PRKN: variants seen among roughly 807,000 people sequenced by gnomAD.
The protein encoded by PRKN is E3 ubiquitin-protein ligase parkin.
A neutral mutation model predicts 59.5 loss-of-function variants in PRKN; 56 were observed. The ratio of observed to expected loss-of-function variants is 0.94; its 90% confidence interval spans 0.76 to 1.18. PRKN has a LOEUF of 1.18. PRKN is among the 50% of genes most tolerant of loss of function. PRKN has a pLI of 0.00. For missense variants in PRKN, 657 were observed against 596.4 expected (o/e 1.10, Z -1.06); for synonymous variants, 250 against 222.1 (o/e 1.13, Z -1.12).
intron 4 of PRKN, among the ~76,000 whole-genome samples, chr6:162,117,425 G>C (rs1780720975): frequency 6.6e-6 from 1 of 152,194 alleles, no homozygotes; most frequent in Admixed American, 6.5e-5. Context: ...CTGCATCCTG[G>C]CCATGTGAAC....
chr6:162,188,765 T>C (rs900486541), intron 4 of PRKN, among the ~76,000 whole-genome samples: 2 of 145,944 alleles, frequency 1.4e-5, no homozygotes, highest in Non-Finnish European at 3.0e-5. Flanking sequence ...AGGTGGAACA[T>C]TCCTTAGATT....
chr6:162,435,007 T>C (rs775243517), intron 2 of PRKN, among the ~76,000 whole-genome samples: 4 of 152,228 alleles, frequency 2.6e-5, no homozygotes, highest in Non-Finnish European at 5.9e-5. Flanking sequence ...ATGATGACTG[T>C]ATTAAGCAAA....
intron 7 of PRKN, among the ~76,000 whole-genome samples, chr6:161,668,203 G>A (rs1379135463): frequency 6.8e-6 from 1 of 146,972 alleles, no homozygotes; most frequent in Non-Finnish European, 1.5e-5. Flanking sequence ...TTCTGTTAGA[G>A]ACCTTTAGCC....
intron 4 of PRKN, among the ~76,000 whole-genome samples, chr6:162,123,582 A>G (rs892609143): frequency 1.3e-5 from 2 of 152,208 alleles, no homozygotes; most frequent in Non-Finnish European, 2.9e-5. Context: ...AGAAACTACA[A>G]GAGAAATTAA....
intron 6 of PRKN, among the ~76,000 whole-genome samples, chr6:161,810,189 A>G (rs1182363640): frequency 6.6e-6 from 1 of 152,210 alleles, no homozygotes; most frequent in African/African-American, 2.4e-5. Flanking sequence ...AGCAGAGACT[A>G]TGACACAGAT....
chr6:162,414,853 T>C (rs546339899), intron 2 of PRKN, among the ~76,000 whole-genome samples: 9 of 152,112 alleles, frequency 5.9e-5, no homozygotes, highest in Non-Finnish European at 1.2e-4. Flanking sequence ...TGTCCATCTA[T>C]TAATTAGGCT....
At chr6:161,885,421 T>A (rs1199378083) in intron 6 of PRKN, among the ~76,000 whole-genome samples, 1 of 152,026 alleles carries the variant, frequency 6.6e-6, no homozygotes, top group Non-Finnish European at 1.5e-5. Context: ...TCCCAGCACT[T>A]TGGGAGGCCG....
chr6:162,445,067 C>G (rs1170387845), intron 1 of PRKN, among the ~76,000 whole-genome samples: 1 of 152,070 alleles, frequency 6.6e-6, no homozygotes, highest in African/African-American at 2.4e-5. Flanking sequence ...AAATGTAGTA[C>G]TATAGCTAAT....
intron 7 of PRKN, among the ~76,000 whole-genome samples, chr6:161,685,060 A>T (rs1352297837): frequency 6.6e-6 from 1 of 152,244 alleles, no homozygotes; most frequent in Non-Finnish European, 1.5e-5. Context: ...TCCTATTAGA[A>T]CATCGAATAC....
At chr6:162,584,787 TCTCCCCTCCCCTCCCCTCCC>T (rs1296409452) in intron 1 of PRKN, among the ~76,000 whole-genome samples, 2 of 34,368 alleles carry the variant, frequency 5.8e-5, no homozygotes, top group South Asian at 2.0e-3. Context: ...TCTCCTCTCC[TCTCCCCTCCCCTCCCCTCCC>T]CTCCCCTCCC....
intron 7 of PRKN, among the ~76,000 whole-genome samples, chr6:161,623,133 CCATAGTTAA>C (rs1467628978): frequency 6.6e-6 from 1 of 152,140 alleles, no homozygotes; most frequent in African/African-American, 2.4e-5. Flanking sequence ...ATGTACAAAG[CCATAGTTAA>C]CACTCGAGAG....
At chr6:162,543,721 G>A (rs1409655899) in intron 1 of PRKN, among the ~76,000 whole-genome samples, 1 of 152,126 alleles carries the variant, frequency 6.6e-6, no homozygotes, top group East Asian at 1.9e-4. Flanking sequence ...ACCGCTGGCT[G>A]ACCCTGAGCT....
intron 1 of PRKN, among the ~76,000 whole-genome samples, chr6:162,503,382 ATCAACCCCCGACC>A (rs908693467): frequency 2.6e-5 from 4 of 151,878 alleles, no homozygotes; most frequent in Non-Finnish European, 5.9e-5. Context: ...CAGGCTGGTC[ATCAACCCCCGACC>A]TCAGGAGATC....
chr6:162,014,810 T>A (rs1782872561), intron 5 of PRKN, among the ~76,000 whole-genome samples: 1 of 150,928 alleles, frequency 6.6e-6, no homozygotes, highest in Non-Finnish European at 1.5e-5. Context: ...CCTTTCGTAT[T>A]TTTTTTTTCA....
At chr6:161,810,118 T>C (rs113665956) in intron 6 of PRKN, among the ~76,000 whole-genome samples, 8 of 152,210 alleles carry the variant, frequency 5.3e-5, no homozygotes, top group African/African-American at 1.9e-4. Context: ...AAGAGTTAAT[T>C]AAGGTTAAAT....
At chr6:161,435,220 A>T (rs1336988317) in intron 9 of PRKN, among the ~76,000 whole-genome samples, 1 of 152,178 alleles carries the variant, frequency 6.6e-6, no homozygotes, top group African/African-American at 2.4e-5. Context: ...TTCACTCTAA[A>T]ATCATTTTGC....
intron 1 of PRKN, among the ~76,000 whole-genome samples, chr6:162,587,675 CATA>C (rs1447777092): frequency 5.3e-5 from 8 of 152,078 alleles, no homozygotes; most frequent in South Asian, 2.1e-4. Flanking sequence ...ATTATACATG[CATA>C]ATATGTGATT....
intron 9 of PRKN, among the ~76,000 whole-genome samples, chr6:161,452,365 C>T (rs1180185036): frequency 6.6e-6 from 1 of 152,172 alleles, no homozygotes; most frequent in Non-Finnish European, 1.5e-5. Context: ...GCCTTAAGTT[C>T]TCTGAAAGGC....
intron 5 of PRKN, among the ~76,000 whole-genome samples, chr6:162,008,602 G>C (rs1177015842): frequency 6.6e-6 from 1 of 152,062 alleles, no homozygotes; most frequent in Non-Finnish European, 1.5e-5. Flanking sequence ...GAAAAGCTAA[G>C]GGTATCACAC....
Sources: allele counts gnomAD v4.1 joint callset (sites outside exome capture counted in the v4.1 genomes callset), GRCh38; gene constraint gnomAD v4.1.1; transcripts MANE v1.5; gene names NCBI Gene and HGNC (gene_info 2026-07-23, HGNC 2026-07-21).